Variants in CTNNA3 observed in about 807,000 individuals in gnomAD.
The protein encoded by CTNNA3 is catenin alpha-3.
CTNNA3 carries 76 observed loss-of-function variants against 95.7 expected under a neutral mutation model. The observed-to-expected ratio is 0.79, with a 90% CI of 0.66 to 0.96. The LOEUF (loss-of-function observed/expected upper bound fraction) is 0.96, where lower values mean the gene tolerates loss of function less well. Among genes scored for constraint, CTNNA3 ranks in the 40% least tolerant of loss-of-function variants. CTNNA3 has a pLI of 0.00. For synonymous variants in CTNNA3, 431 were observed against 374.4 expected, an observed-to-expected ratio of 1.15 and a Z score of -1.74; for missense variants, 1,191 against 1,089.8, an observed-to-expected ratio of 1.09 and a Z score of -1.31.
intron 7 of CTNNA3, among the ~76,000 whole-genome samples, chr10:67,029,223 T>TATTCTTAAATAAAACAA (rs1746506609): frequency 6.6e-6 from 1 of 152,228 alleles, no homozygotes; most frequent in Non-Finnish European, 1.5e-5. Context: ...GGTTCACTAA[T>TATTCTTAAATAAAACAA]GTACCAAATA....
intron 5 of CTNNA3, among the ~76,000 whole-genome samples, chr10:67,221,357 C>T (rs1864643579): frequency 6.6e-6 from 1 of 152,156 alleles, no homozygotes; most frequent in Non-Finnish European, 1.5e-5. Flanking sequence ...TCATTCACTT[C>T]ATATACAACA....
intron 13 of CTNNA3, among the ~76,000 whole-genome samples, chr10:66,262,583 CTTTT>C (rs923609865): frequency 1.9e-4 from 29 of 149,722 alleles, no homozygotes; most frequent in African/African-American, 5.4e-4. Flanking sequence ...ATAGAATGGT[CTTTT>C]TTTTTGCAAA....
At chr10:66,460,799 C>G (rs1589282145) in intron 11 of CTNNA3, among the ~76,000 whole-genome samples, 1 of 152,114 alleles carries the variant, frequency 6.6e-6, no homozygotes, top group South Asian at 2.1e-4. Flanking sequence ...TGCATTCTTT[C>G]TTGCTTTATT....
At chr10:66,123,314 A>G (rs1478141524) in intron 13 of CTNNA3, among the ~76,000 whole-genome samples, 1 of 152,160 alleles carries the variant, frequency 6.6e-6, no homozygotes, top group East Asian at 1.9e-4. Flanking sequence ...TAAAGCTCCA[A>G]AATGATCTCC....
intron 11 of CTNNA3, among the ~76,000 whole-genome samples, chr10:66,392,742 AAAATGT>A (rs2092943993): frequency 6.6e-6 from 1 of 152,152 alleles, no homozygotes; most frequent in Non-Finnish European, 1.5e-5. Flanking sequence ...AACACTGGTG[AAAATGT>A]AGAGCAATAA....
intron 2 of CTNNA3, among the ~76,000 whole-genome samples, chr10:67,633,180 TG>T (rs1839201869): frequency 6.6e-6 from 1 of 152,082 alleles, no homozygotes; most frequent in Non-Finnish European, 1.5e-5. Flanking sequence ...GACCTCCCTG[TG>T]GGGGTTTCAG....
intron 11 of CTNNA3, among the ~76,000 whole-genome samples, chr10:66,416,088 G>C (rs2093143545): frequency 6.7e-6 from 1 of 149,896 alleles, no homozygotes; most frequent in Non-Finnish European, 1.5e-5. Flanking sequence ...GGATAAGAAT[G>C]AGAAATGTAA....
chr10:67,196,699 T>C (rs975327600), intron 6 of CTNNA3, among the ~76,000 whole-genome samples: 4 of 152,056 alleles, frequency 2.6e-5, no homozygotes, highest in Non-Finnish European at 4.4e-5. Flanking sequence ...GTTTTTTATC[T>C]TTTTATATCA....
chr10:66,974,132 C>G (rs1849889527), intron 7 of CTNNA3, among the ~76,000 whole-genome samples: 1 of 152,138 alleles, frequency 6.6e-6, no homozygotes, highest in Non-Finnish European at 1.5e-5. Context: ...TGATCTGTCT[C>G]TATCACCACA....
At chr10:66,233,400 G>A (rs2089689303) in intron 13 of CTNNA3, among the ~76,000 whole-genome samples, 1 of 151,946 alleles carries the variant, frequency 6.6e-6, no homozygotes, top group South Asian at 2.1e-4. Context: ...AAGCCACAGA[G>A]TAGAAGAAGA....
chr10:66,218,008 A>T (rs1261435090), intron 13 of CTNNA3, among the ~76,000 whole-genome samples: 4 of 152,148 alleles, frequency 2.6e-5, no homozygotes, highest in Non-Finnish European at 1.5e-5. Flanking sequence ...TTCAGAGGGG[A>T]GGAGCCAGGC....
At chr10:66,762,567 C>T (rs538172151) in intron 9 of CTNNA3, among the ~76,000 whole-genome samples, 3 of 151,738 alleles carry the variant, frequency 2.0e-5, no homozygotes, top group Admixed American at 2.0e-4. Context: ...AGGTCTCCTC[C>T]TGTATTATTA....
intron 13 of CTNNA3, among the ~76,000 whole-genome samples, chr10:66,211,030 G>A (rs1180628192): frequency 6.6e-6 from 1 of 152,118 alleles, no homozygotes; most frequent in Admixed American, 6.6e-5. Flanking sequence ...GGGAAGCAAC[G>A]TTTTGGGAAC....
intron 5 of CTNNA3, among the ~76,000 whole-genome samples, chr10:67,489,446 T>A (rs1357428219): frequency 6.6e-6 from 1 of 152,218 alleles, no homozygotes; most frequent in Non-Finnish European, 1.5e-5. Context: ...TTGTCATTTT[T>A]CATTTGAGCA....
chr10:66,672,800 G>C (rs1846711785), intron 9 of CTNNA3, among the ~76,000 whole-genome samples: 1 of 151,970 alleles, frequency 6.6e-6, no homozygotes, highest in African/African-American at 2.4e-5. Context: ...TTCAATTTAA[G>C]CTCAAGAAAG....
chr10:67,314,374 A>G (rs1029643309), intron 5 of CTNNA3, among the ~76,000 whole-genome samples: 20 of 152,338 alleles, frequency 1.3e-4, no homozygotes, highest in African/African-American at 4.3e-4. Context: ...CTCAGGTAAC[A>G]TTAAAGCCAT....
intron 9 of CTNNA3, among the ~76,000 whole-genome samples, chr10:66,724,672 T>C (rs746407255): frequency 6.6e-6 from 1 of 152,216 alleles, no homozygotes; most frequent in Non-Finnish European, 1.5e-5. Flanking sequence ...GTTGACACTA[T>C]ATACATTTAG....
chr10:65,929,110 G>A (rs755092535), intron 17 of CTNNA3, among the ~76,000 whole-genome samples: 3 of 148,874 alleles, frequency 2.0e-5, no homozygotes, highest in Non-Finnish European at 3.0e-5. Context: ...TCTCCTATGA[G>A]TGAGAACATG....
intron 7 of CTNNA3, among the ~76,000 whole-genome samples, chr10:67,174,199 T>C (rs2132120482): frequency 6.6e-6 from 1 of 152,350 alleles, no homozygotes; most frequent in East Asian, 1.9e-4. Flanking sequence ...GGCTGCCTAC[T>C]TTTTATTATT....
Sources: gnomAD v4.1 joint callset for allele counts (sites outside exome capture counted in the v4.1 genomes callset) on GRCh38, gnomAD v4.1.1 for gene constraint, MANE v1.5 for transcripts, NCBI Gene and HGNC (gene_info 2026-07-23, HGNC 2026-07-21) for gene names.